MATCAP2: variants seen among roughly 807,000 people sequenced by gnomAD.
MATCAP2 encodes the protein putative tyrosine carboxypeptidase MATCAP2.
chr7:36,356,884 A>G, the MATCAP2 span: 1 of 1,597,736 alleles, frequency 6.3e-7, no homozygotes, highest in South Asian at 1.1e-5. Flanking sequence ...AACTACCACT[A>G]TTGAAATGGC....
the MATCAP2 span, among the ~76,000 whole-genome samples, chr7:36,337,124 A>AAAAAAAAAAAAAAAAAAC: frequency 2.1e-5 from 3 of 145,212 alleles, no homozygotes; most frequent in Non-Finnish European, 4.6e-5. Flanking sequence ...AAAAAAAAAA[A>AAAAAAAAAAAAAAAAAAC]AGCAATCAGT....
At chr7:36,334,031 A>G in the MATCAP2 span, 3 of 1,614,184 alleles carry the variant, frequency 1.9e-6, no homozygotes, top group Non-Finnish European at 2.5e-6. Context: ...GGTCTTTTCT[A>G]AACAGAACAC....
chr7:36,334,193 G>A, the MATCAP2 span: 10 of 1,513,160 alleles, frequency 6.6e-6, no homozygotes, highest in Non-Finnish European at 9.0e-6. Flanking sequence ...TGAAGAAAAA[G>A]AAATGCCATT....
the MATCAP2 span, among the ~76,000 whole-genome samples, chr7:36,340,512 G>A: frequency 2.0e-5 from 3 of 152,168 alleles, no homozygotes; most frequent in Admixed American, 1.3e-4. Flanking sequence ...CTTAATGGGA[G>A]CTACATCAAT....
the MATCAP2 span, among the ~76,000 whole-genome samples, chr7:36,376,324 A>G: frequency 6.6e-6 from 1 of 152,124 alleles, no homozygotes; most frequent in African/African-American, 2.4e-5. Context: ...GAACATCTTT[A>G]TTTCTGCCTT....
chr7:36,369,573 A>C, the MATCAP2 span, among the ~76,000 whole-genome samples: 1 of 152,188 alleles, frequency 6.6e-6, no homozygotes, highest in Non-Finnish European at 1.5e-5. Context: ...GCTTTTACTA[A>C]AGTATGTTTA....
the MATCAP2 span, among the ~76,000 whole-genome samples, chr7:36,372,209 C>T: frequency 6.6e-6 from 1 of 152,068 alleles, no homozygotes; most frequent in Non-Finnish European, 1.5e-5. Flanking sequence ...GCTTCTGCAG[C>T]CTACCATTAT....
chr7:36,387,554 C>A, the MATCAP2 span, among the ~76,000 whole-genome samples: 3 of 152,080 alleles, frequency 2.0e-5, no homozygotes, highest in African/African-American at 7.2e-5. Context: ...AATTGTAATA[C>A]CCTAGGAGAG....
the MATCAP2 span, chr7:36,367,058 G>A: frequency 3.9e-6 from 5 of 1,275,812 alleles, no homozygotes; most frequent in Non-Finnish European, 4.9e-6. Context: ...GCGGGAGGCG[G>A]CTCTCCGCTA....
At chr7:36,337,121 A>AAAAAAAAAAAAAAAAC in the MATCAP2 span, among the ~76,000 whole-genome samples, 2 of 147,216 alleles carry the variant, frequency 1.4e-5, no homozygotes, top group Non-Finnish European at 3.0e-5. Context: ...AAAAAAAAAA[A>AAAAAAAAAAAAAAAAC]AAAAGCAATC....
the MATCAP2 span, among the ~76,000 whole-genome samples, chr7:36,363,380 TG>T: frequency 6.6e-6 from 1 of 152,248 alleles, no homozygotes; most frequent in Non-Finnish European, 1.5e-5. Flanking sequence ...TAATCTTATA[TG>T]GTTTCTCACA....
At chr7:36,382,498 T>G in the MATCAP2 span, among the ~76,000 whole-genome samples, 3 of 152,006 alleles carry the variant, frequency 2.0e-5, no homozygotes, top group Admixed American at 1.3e-4. Context: ...TAGCTTTTTT[T>G]TTTTTTTGTT....
At chr7:36,385,798 AAAAT>A in the MATCAP2 span, among the ~76,000 whole-genome samples, 2 of 106,324 alleles carry the variant, frequency 1.9e-5, no homozygotes, top group African/African-American at 3.2e-5. Context: ...AAAATAAAAT[AAAAT>A]AAAATAAAAT....
chr7:36,387,931 A>C, the MATCAP2 span, among the ~76,000 whole-genome samples: 1 of 152,082 alleles, frequency 6.6e-6, no homozygotes, highest in African/African-American at 2.4e-5. Context: ...TTCTTGTCAC[A>C]CTTGAAAAAA....
chr7:36,348,735 G>A, the MATCAP2 span, among the ~76,000 whole-genome samples: 1 of 152,140 alleles, frequency 6.6e-6, no homozygotes, highest in Non-Finnish European at 1.5e-5. Context: ...TATAAATAAA[G>A]TATTGTGAGA....
the MATCAP2 span, among the ~76,000 whole-genome samples, chr7:36,340,651 AC>A: frequency 6.6e-6 from 1 of 152,312 alleles, no homozygotes; most frequent in South Asian, 2.1e-4. Context: ...TCCAACACAG[AC>A]AGACTTATCA....
chr7:36,331,645 T>C, the MATCAP2 span, among the ~76,000 whole-genome samples: 1 of 152,180 alleles, frequency 6.6e-6, no homozygotes, highest in Non-Finnish European at 1.5e-5. Flanking sequence ...TAGAACTAGA[T>C]TTTGGAGAGC....
chr7:36,333,745 G>T, the MATCAP2 span: 12 of 977,878 alleles, frequency 1.2e-5, no homozygotes, highest in Non-Finnish European at 1.8e-5. Context: ...AGGTAACAAA[G>T]ATTTCATTTT....
At chr7:36,334,138 T>A in the MATCAP2 span, 1 of 1,612,764 alleles carries the variant, frequency 6.2e-7, no homozygotes, top group South Asian at 1.1e-5. Context: ...TGGAGGTTGT[T>A]AATACCTCGA....
Sources: gnomAD v4.1 joint callset for allele counts (sites outside exome capture counted in the v4.1 genomes callset) on GRCh38, gnomAD v4.1.1 for gene constraint, MANE v1.5 for transcripts, NCBI Gene and HGNC (gene_info 2026-07-23, HGNC 2026-07-21) for gene names.